The following SLC17A4 variants were observed in gnomAD, a reference collection of about 807,000 sequenced individuals.
The protein encoded by SLC17A4 is probable small intestine urate exporter.
A neutral mutation model predicts 52.5 loss-of-function variants in SLC17A4; 33 were observed. That is an observed-to-expected ratio of 0.63 (90% confidence interval 0.48 to 0.84). The LOEUF is 0.84. Ranked by LOEUF, SLC17A4 falls within the 40% of genes least tolerant of loss-of-function variation. The pLI, the probability that SLC17A4 is intolerant of heterozygous loss-of-function variation, is 0.00. For missense variants in SLC17A4, 585 were observed against 597.1 expected (o/e 0.98, Z 0.21); for synonymous variants, 225 against 216.2 (o/e 1.04, Z -0.36).
At chr6:25,763,052 C>A (rs1056550547) in intron 2 of SLC17A4, among the ~76,000 whole-genome samples, 1 of 152,192 alleles carries the variant, frequency 6.6e-6, no homozygotes, top group Admixed American at 6.5e-5. Context: ...CATTTATGAG[C>A]TCATTATTAC....
Position 25,769,190 on chromosome 6 carries a change from G to A in SLC17A4, c.297G>A (p.Met99Ile). Residue 99 changes from methionine (M) to isoleucine (I), a missense_variant and splice_region_variant, in exon 3 of 12, where the codon ATG becomes ATA. Coordinates refer to ENST00000377905, the MANE Select transcript of SLC17A4 (RefSeq NM_005495.3). ...AAACTCTAAAAGAATTTAAAGCAAT[G>A]GTAAGTTTAATGAGACTCTGGACTC... ...WNETLKEFKAMAPAYDWSPEI... is the reference protein window; with the variant it reads ...WNETLKEFKAIAPAYDWSPEI... The A allele has an allele frequency of 6.2e-7, 1 of 1,613,120 alleles. No individual in the cohort carries two copies. The highest frequency in any genetic ancestry group is 1.1e-5 in the South Asian group (1 of 91,018).
intron 8 of SLC17A4, among the ~76,000 whole-genome samples, chr6:25,776,162 T>C (rs962228033): frequency 4.0e-5 from 6 of 151,810 alleles, no homozygotes; most frequent in African/African-American, 1.5e-4. Context: ...AAAAAATGGG[T>C]GTTTTTGCCA....
At chr6:25,774,798 A>G (rs1452025740) in intron 8 of SLC17A4, among the ~76,000 whole-genome samples, 2 of 152,228 alleles carry the variant, frequency 1.3e-5, no homozygotes, top group African/African-American at 4.8e-5. Context: ...TAAAAAGTCA[A>G]GAGACCTGGA....
Position 25,780,376 on chromosome 6 carries a change from A to C in SLC17A4, c.*1188A>C, listed in dbSNP as rs1042345326. ...ACATGGGTTATGAGAGTGGATGATA[A>C]GTGCACTAATCTGAGTGTAAGGAAG... On this transcript the variant is annotated 3_prime_UTR_variant, in exon 12 of 12. Transcript: ENST00000377905. The C allele has an allele frequency of 6.6e-6, 1 of 152,228 alleles. No individual in the cohort carries two copies. The highest frequency in any genetic ancestry group is 1.5e-5 in the Non-Finnish European group (1 of 68,040). The allele number at this position is 152,228 out of a possible 1,614,324, so 9.4% of individuals were successfully genotyped here. A position where few individuals can be genotyped will look rare whatever the true frequency, so the allele number is the denominator to read the frequency against.
intron 1 of SLC17A4, among the ~76,000 whole-genome samples, chr6:25,755,048 T>TACACAC (rs35878702): frequency 0.017 from 2,528 of 145,028 alleles, 54 homozygotes; most frequent in African/African-American, 0.052. Flanking sequence ...CACACACACA[T>TACACAC]ACACACACAC....
chr6:25,764,051 C>T (rs997838867), intron 2 of SLC17A4, among the ~76,000 whole-genome samples: 2 of 152,290 alleles, frequency 1.3e-5, no homozygotes, highest in African/African-American at 4.8e-5. Context: ...CAGCCATGTG[C>T]ATCACAAAGT....
rs372465091 is a variant in SLC17A4, at chr6:25,770,893, C to T, written c.620-33C>T. 49 of 1,563,900 alleles carry T rather than the reference C, an allele frequency of 3.1e-5. 1 individual carries two copies. In the Middle Eastern group the frequency reaches 1.0e-3, roughly 32 times the overall value. On this transcript the variant is annotated intron_variant, in intron 5 of 11. Transcript: ENST00000377905. ...CACATAGAGCCCCAAGACGAGTCCT[C>T]TCACCCAGAACATCCTCGCCTCTTC...
intron 2 of SLC17A4, chr6:25,768,358 G>A (rs7746458): frequency 2.0e-5 from 20 of 985,346 alleles, no homozygotes; most frequent in Admixed American, 6.1e-5. Flanking sequence ...AATTCTTCCC[G>A]CTGTTGTCAA....
At chr6:25,778,050 A>G in intron 11 of SLC17A4, 34 bp downstream of exon 11, 1 of 1,237,328 alleles carries the variant, frequency 8.1e-7, no homozygotes, top group South Asian at 1.4e-5. Flanking sequence ...TATTCATAAA[A>G]GAAACCTATA....
chr6:25,772,337 C>T (rs1279032670), intron 6 of SLC17A4, among the ~76,000 whole-genome samples: 1 of 152,156 alleles, frequency 6.6e-6, no homozygotes, highest in Non-Finnish European at 1.5e-5. Context: ...ATCTATCCCT[C>T]CGCACTTGAT....
intron 1 of SLC17A4, among the ~76,000 whole-genome samples, chr6:25,758,051 T>C (rs1219526061): frequency 6.6e-6 from 1 of 152,216 alleles, no homozygotes; most frequent in East Asian, 1.9e-4. Flanking sequence ...CCGTGGGACG[T>C]ATCACAGCCT....
intron 2 of SLC17A4, among the ~76,000 whole-genome samples, chr6:25,764,177 T>C (rs973038126): frequency 6.6e-6 from 1 of 152,158 alleles, no homozygotes; most frequent in Non-Finnish European, 1.5e-5. Context: ...TCTCATTGAG[T>C]TCGGCCTGCC....
At chr6:25,771,143 C>T (rs1389239141) in intron 6 of SLC17A4, 131 bp downstream of exon 6, 8 of 720,850 alleles carry the variant, frequency 1.1e-5, no homozygotes, top group East Asian at 9.9e-5. Context: ...GAGCCAACTA[C>T]ATTTAACATT....
chr6:25,761,902 T>C, intron 1 of SLC17A4, 25 bp from the exon 2 acceptor site: 1 of 1,367,496 alleles, frequency 7.3e-7, no homozygotes, highest in East Asian at 2.3e-5. Flanking sequence ...TCCCTGTATT[T>C]TCTTTTGTAT....
chr6:25,757,862 C>T (rs1410965329), intron 1 of SLC17A4, among the ~76,000 whole-genome samples: 1 of 152,218 alleles, frequency 6.6e-6, no homozygotes, highest in Non-Finnish European at 1.5e-5. Context: ...ACTAACTCAG[C>T]AGTTAGGGTT....
intron 11 of SLC17A4, 66 bp downstream of exon 11, chr6:25,778,082 T>C (rs1243530927): frequency 8.4e-6 from 10 of 1,184,616 alleles, no homozygotes; most frequent in Middle Eastern, 1.9e-4. Context: ...TTTTCACATA[T>C]GCACGGCCTT....
intron 2 of SLC17A4, among the ~76,000 whole-genome samples, chr6:25,765,697 G>C (rs1294726415): frequency 1.3e-5 from 2 of 152,128 alleles, no homozygotes; most frequent in African/African-American, 4.8e-5. Context: ...GCAGCAAGGA[G>C]AAGATAGATT....
intron 1 of SLC17A4, among the ~76,000 whole-genome samples, chr6:25,760,850 T>C (rs981156384): frequency 6.6e-6 from 1 of 152,200 alleles, no homozygotes; most frequent in African/African-American, 2.4e-5. Flanking sequence ...CTAGGGTCCA[T>C]ATTTTATTTC....
intron 1 of SLC17A4, among the ~76,000 whole-genome samples, chr6:25,760,740 G>A (rs1027437392): frequency 1.3e-5 from 2 of 152,058 alleles, no homozygotes; most frequent in African/African-American, 2.4e-5. Flanking sequence ...CATTAGCTAT[G>A]TCTAGTCACT....
Sources: allele counts gnomAD v4.1 joint callset (sites outside exome capture counted in the v4.1 genomes callset), GRCh38; gene constraint gnomAD v4.1.1; transcripts MANE v1.5; gene names NCBI Gene and HGNC (gene_info 2026-07-23, HGNC 2026-07-21).